Variants in BCAS4 observed in about 807,000 individuals in gnomAD.
BCAS4 encodes the protein breast carcinoma amplified sequence 4.
In BCAS4, 9 loss-of-function variants were observed where a neutral mutation model predicts 15.7. The observed-to-expected ratio is 0.57, with a 90% CI of 0.34 to 1.00. The LOEUF (loss-of-function observed/expected upper bound fraction) is 1.00, where lower values mean the gene tolerates loss of function less well. Ranked by LOEUF, BCAS4 falls within the 50% of genes least tolerant of loss-of-function variation. The pLI is 0.02. For synonymous variants in BCAS4, 101 were observed against 99.5 expected (o/e 1.02, Z -0.09); for missense variants, 225 against 239.1 (o/e 0.94, Z 0.39).
chr20:50,812,517 A>G (rs1165138197), intron 1 of BCAS4, among the ~76,000 whole-genome samples: 1 of 150,268 alleles, frequency 6.7e-6, no homozygotes, highest in Non-Finnish European at 1.5e-5. Context: ...GCTCACTGCA[A>G]ACTCCACCTC....
intron 1 of BCAS4, among the ~76,000 whole-genome samples, chr20:50,797,654 G>A (rs1238442648): frequency 2.0e-5 from 3 of 152,096 alleles, no homozygotes; most frequent in African/African-American, 7.2e-5. Context: ...CTACAAATGT[G>A]AGCTACCTAT....
At chr20:50,839,873 A>T (rs1002412104) in intron 3 of BCAS4, among the ~76,000 whole-genome samples, 1 of 152,252 alleles carries the variant, frequency 6.6e-6, no homozygotes, top group Non-Finnish European at 1.5e-5. Flanking sequence ...GAAGTTAAGT[A>T]ACTTGCCAAA....
chr20:50,858,725 A>T (rs1258150788), intron 4 of BCAS4, among the ~76,000 whole-genome samples: 7 of 117,614 alleles, frequency 6.0e-5, no homozygotes, highest in African/African-American at 6.9e-5. Context: ...TTTTTCTTGA[A>T]TTTTTTTTTT....
intron 1 of BCAS4, among the ~76,000 whole-genome samples, chr20:50,802,434 G>T (rs935325008): frequency 1.3e-5 from 2 of 152,104 alleles, no homozygotes; most frequent in African/African-American, 4.8e-5. Flanking sequence ...CACAAAACCT[G>T]CCCAGGAGTG....
chr20:50,841,427 A>AC (rs68145179), intron 3 of BCAS4, among the ~76,000 whole-genome samples: 62,761 of 151,700 alleles, frequency 0.41, 15,842 homozygotes, highest in African/African-American at 0.72. Flanking sequence ...GTGCCCTGAG[A>AC]CCCCCGCCCC....
chr20:50,842,174 C>T (rs933961471), intron 4 of BCAS4, among the ~76,000 whole-genome samples: 2 of 152,170 alleles, frequency 1.3e-5, no homozygotes, highest in South Asian at 2.1e-4. Context: ...AAACAGCTCC[C>T]GCCCTCCTGC....
chr20:50,817,705 G>A (rs2088157494), intron 1 of BCAS4, among the ~76,000 whole-genome samples: 1 of 151,966 alleles, frequency 6.6e-6, no homozygotes, highest in Admixed American at 6.6e-5. Flanking sequence ...CAGGTGATCC[G>A]CCCGCCTCAC....
At chr20:50,867,690 G>A (rs570384476) in intron 4 of BCAS4, among the ~76,000 whole-genome samples, 24 of 152,204 alleles carry the variant, frequency 1.6e-4, no homozygotes, top group Non-Finnish European at 3.1e-4. Context: ...AAGGTGGGCA[G>A]ATCACTTGAG....
chr20:50,873,580 C>A (rs1235083154), intron 4 of BCAS4, among the ~76,000 whole-genome samples: 1 of 152,270 alleles, frequency 6.6e-6, no homozygotes, highest in Non-Finnish European at 1.5e-5. Context: ...AATTCCACAC[C>A]TGTGGGTTAC....
At position 50,861,013 on chromosome 20, in the gene BCAS4, A is replaced by AG. The variant is rs1419452866; in HGVS notation, c.400-15472dup. 2.0e-5 allele frequency among the ~76,000 whole-genome samples: 3 copies of AG among 150,566 alleles called. No homozygotes were observed. The South Asian group carries it at 6.3e-4, about 32-fold the overall frequency. On this transcript the variant is annotated intron_variant, in intron 4 of 4. Coordinates refer to ENST00000371608, the MANE Select transcript of BCAS4 (RefSeq NM_198799.4). ...CGGTCTCTGGAAAAAAAAAAAAAAAAGTCTGGATACGTTTGCAGGCAGAGC... is the reference window on the plus strand; with the variant it reads ...CGGTCTCTGGAAAAAAAAAAAAAAAAGGTCTGGATACGTTTGCAGGCAGAGC...
At chr20:50,811,143 T>C (rs1329255783) in intron 1 of BCAS4, among the ~76,000 whole-genome samples, 1 of 151,986 alleles carries the variant, frequency 6.6e-6, no homozygotes. Flanking sequence ...AGGCTCCAGA[T>C]GGAGTAGGGC....
chr20:50,829,829 A>G (rs59044168), intron 2 of BCAS4, among the ~76,000 whole-genome samples: 4,186 of 152,148 alleles, frequency 0.028, 209 homozygotes, highest in African/African-American at 0.097. Context: ...TGTCGGAAGC[A>G]TCTGATACAT....
chr20:50,830,179 C>A, intron 2 of BCAS4, 100 bp from the exon 3 acceptor site: 1 of 912,868 alleles, frequency 1.1e-6, no homozygotes, highest in Non-Finnish European at 1.7e-6. Context: ...GGCACCTCAG[C>A]CATCATTGGG....
At chr20:50,856,082 T>C (rs573255769) in intron 4 of BCAS4, among the ~76,000 whole-genome samples, 55 of 151,990 alleles carry the variant, frequency 3.6e-4, no homozygotes. Flanking sequence ...CAGGCATTCC[T>C]GAGTGAGGTT....
chr20:50,869,874 A>T (rs6020810), intron 4 of BCAS4, among the ~76,000 whole-genome samples: 1 of 148,908 alleles, frequency 6.7e-6, no homozygotes, highest in African/African-American at 2.5e-5. Context: ...TCAGCCTCCC[A>T]AGTAGCTGGG....
intron 1 of BCAS4, among the ~76,000 whole-genome samples, chr20:50,816,964 C>T (rs2088147060): frequency 6.6e-6 from 1 of 151,712 alleles, no homozygotes; most frequent in African/African-American, 2.4e-5. Context: ...GCCACCACAC[C>T]CGGCTAATTT....
intron 1 of BCAS4, among the ~76,000 whole-genome samples, chr20:50,810,171 G>A (rs2088042490): frequency 6.6e-6 from 1 of 151,338 alleles, no homozygotes; most frequent in Non-Finnish European, 1.5e-5. Flanking sequence ...ATTGAATCTA[G>A]TTGCCCTGTG....
At chr20:50,814,159 C>G (rs929324070) in intron 1 of BCAS4, among the ~76,000 whole-genome samples, 1 of 152,124 alleles carries the variant, frequency 6.6e-6, no homozygotes, top group Non-Finnish European at 1.5e-5. Context: ...CTTTGCTGAC[C>G]AGACAGTCAG....
At chr20:50,847,179 TG>T (rs1480088534) in intron 4 of BCAS4, among the ~76,000 whole-genome samples, 1 of 149,336 alleles carries the variant, frequency 6.7e-6, no homozygotes, top group Non-Finnish European at 1.5e-5. Flanking sequence ...CTCCGCTTCC[TG>T]GGGTCAAGCG....
Sources: gnomAD v4.1 joint callset for allele counts (sites outside exome capture counted in the v4.1 genomes callset) on GRCh38, gnomAD v4.1.1 for gene constraint, MANE v1.5 for transcripts, NCBI Gene and HGNC (gene_info 2026-07-23, HGNC 2026-07-21) for gene names.